Variants in SUPT3H observed in about 807,000 individuals in gnomAD.
The protein encoded by SUPT3H is transcription initiation protein SPT3 homolog.
Under a neutral mutation model 44.3 loss-of-function variants are expected in SUPT3H, and 44 were observed. The ratio of observed to expected loss-of-function variants is 0.99; its 90% confidence interval spans 0.78 to 1.28. The LOEUF (loss-of-function observed/expected upper bound fraction) is 1.28. Among genes scored for constraint, SUPT3H ranks in the 50% most tolerant of loss-of-function variants. The pLI, the probability that SUPT3H is intolerant of heterozygous loss-of-function variation, is 0.00. For missense variants in SUPT3H, 380 were observed against 387.1 expected, an observed-to-expected ratio of 0.98 and a Z score of 0.15; for synonymous variants, 124 against 125.6, an observed-to-expected ratio of 0.99 and a Z score of 0.09.
intron 2 of SUPT3H, among the ~76,000 whole-genome samples, chr6:45,245,810 A>T (rs1052253233): frequency 1.3e-5 from 2 of 152,166 alleles, no homozygotes; most frequent in African/African-American, 4.8e-5. Context: ...CAGAAATACA[A>T]TAGCTGGATC....
intron 2 of SUPT3H, among the ~76,000 whole-genome samples, chr6:45,160,556 A>C (rs547509130): frequency 2.0e-5 from 3 of 152,246 alleles, no homozygotes; most frequent in African/African-American, 7.2e-5. Flanking sequence ...AACATTTTTT[A>C]TATATAAGTG....
In SUPT3H at chr6:44,916,138, C is replaced by T. The variant is rs143288579; in HGVS notation, c.912+16515G>A. On this transcript the variant is annotated intron_variant, in intron 10 of 10. Transcript: ENST00000371459. ...ATTTTAAGAGATGACAATGACTCCACACTAGTAGAAGTTTAGGAATCAGTA... is the reference window on the plus strand; with the variant it reads ...ATTTTAAGAGATGACAATGACTCCATACTAGTAGAAGTTTAGGAATCAGTA... Among the ~76,000 whole-genome samples the T allele has an allele frequency of 2.3e-3, 347 of 152,310 alleles. 1 individual carries two copies. Among genetic ancestry groups the T allele is most frequent in the African/African-American group, 7.6e-3 (317 of 41,554 alleles).
intron 5 of SUPT3H, among the ~76,000 whole-genome samples, chr6:45,009,015 A>C (rs1380485280): frequency 2.6e-5 from 4 of 152,132 alleles, no homozygotes; most frequent in African/African-American, 4.8e-5. Flanking sequence ...TGCTGGGATT[A>C]TTTATAGGCA....
At chr6:44,822,152 A>T (rs982553790), downstream of SUPT3H, among the ~76,000 whole-genome samples, 1 of 152,162 alleles carries the variant, frequency 6.6e-6, no homozygotes, top group Non-Finnish European at 1.5e-5. Context: ...CCCTTTCTGT[A>T]ATTTCACGGT....
intron 2 of SUPT3H, among the ~76,000 whole-genome samples, chr6:45,156,904 GA>G (rs951744421): frequency 6.6e-6 from 1 of 151,260 alleles, no homozygotes; most frequent in Non-Finnish European, 1.5e-5. Context: ...TGGTTTTAGT[GA>G]AAAAAAAGTG....
intron 2 of SUPT3H, among the ~76,000 whole-genome samples, chr6:45,244,767 T>C (rs1480428246): frequency 6.6e-6 from 1 of 152,186 alleles, no homozygotes; most frequent in Non-Finnish European, 1.5e-5. Context: ...CCTACTTCCC[T>C]ATCTTCTAAA....
chr6:45,032,840 A>C (rs1787150281), intron 3 of SUPT3H, among the ~76,000 whole-genome samples: 1 of 152,182 alleles, frequency 6.6e-6, no homozygotes, highest in African/African-American at 2.4e-5. Flanking sequence ...CTTTATAAGA[A>C]GGCGGCTTCC....
At chr6:44,998,746 A>AT (rs1781604223) in intron 6 of SUPT3H, among the ~76,000 whole-genome samples, 2 of 151,848 alleles carry the variant, frequency 1.3e-5, no homozygotes, top group African/African-American at 4.8e-5. Flanking sequence ...AAATTTAATT[A>AT]TATGTCTTCT....
At position 44,889,591 on chromosome 6, in the gene SUPT3H, C is replaced by T. The variant is rs1002221317; in HGVS notation, c.912+43062G>A. Among the ~76,000 whole-genome samples the T allele has an allele frequency of 5.3e-5, 8 of 152,162 alleles. 1 individual carries two copies. Among genetic ancestry groups the T allele is most frequent in the East Asian group, 1.9e-4 (1 of 5,202 alleles). On this transcript the variant is annotated intron_variant, in intron 10 of 10. Coordinates refer to ENST00000371459, the MANE Select transcript of SUPT3H (RefSeq NM_003599.4). ...AAGCTGAAACTGGATGCCTTCCTTA[C>T]GCCTTATACAAAAATTAATTCAAGA...
chr6:45,054,812 C>T (rs1372820820), intron 3 of SUPT3H, among the ~76,000 whole-genome samples: 2 of 152,018 alleles, frequency 1.3e-5, no homozygotes, highest in Non-Finnish European at 2.9e-5. Context: ...GAAGTGAAAC[C>T]ACAGGCAGAC....
chr6:44,889,010 T>C (rs1253358051), intron 10 of SUPT3H, among the ~76,000 whole-genome samples: 1 of 145,246 alleles, frequency 6.9e-6, no homozygotes, highest in Non-Finnish European at 1.5e-5. Flanking sequence ...TGAACTCCCA[T>C]GCACAATTGC....
At position 45,242,698 on chromosome 6, in the gene SUPT3H, T is replaced by G. The variant is rs146354324; in HGVS notation, c.101+122503A>C. Among the ~76,000 whole-genome samples the G allele has an allele frequency of 1.0e-2, 1,515 of 152,236 alleles. 30 individuals carry two copies. Among genetic ancestry groups the G allele is most frequent in the African/African-American group, 0.035 (1,436 of 41,522 alleles). ...ATAACTAATCTATAATTAAATTGCCTGGAAAAACAAAATTCACCATTCTTG... is the reference window on the plus strand; with the variant it reads ...ATAACTAATCTATAATTAAATTGCCGGGAAAAACAAAATTCACCATTCTTG... On this transcript the variant is annotated intron_variant, in intron 2 of 10. Transcript: ENST00000371459.
chr6:45,308,797 TA>T (rs538056004), intron 2 of SUPT3H, among the ~76,000 whole-genome samples: 161 of 145,608 alleles, frequency 1.1e-3, no homozygotes, highest in African/African-American at 1.2e-3. Context: ...AATTCTGAAT[TA>T]AAAAAAAAAA....
At chr6:45,218,060 T>A (rs1765384653) in intron 2 of SUPT3H, among the ~76,000 whole-genome samples, 1 of 152,142 alleles carries the variant, frequency 6.6e-6, no homozygotes, top group Non-Finnish European at 1.5e-5. Context: ...AACATATTCA[T>A]AATTAAATGA....
intron 2 of SUPT3H, among the ~76,000 whole-genome samples, chr6:45,106,957 T>A (rs922462433): frequency 6.6e-6 from 1 of 152,210 alleles, no homozygotes; most frequent in African/African-American, 2.4e-5. Flanking sequence ...AAGAGCCACA[T>A]AGAAAGGTAT....
intron 10 of SUPT3H, among the ~76,000 whole-genome samples, chr6:44,870,267 A>T (rs907079690): frequency 1.3e-5 from 2 of 152,262 alleles, no homozygotes; most frequent in Non-Finnish European, 2.9e-5. Flanking sequence ...TAAAATGATG[A>T]TCAAAAAGAG....
chr6:44,968,188 C>G (rs1777041941), intron 6 of SUPT3H, among the ~76,000 whole-genome samples: 1 of 152,114 alleles, frequency 6.6e-6, no homozygotes, highest in South Asian at 2.1e-4. Context: ...ATGCCTTTTA[C>G]TAAAATGGTA....
At chr6:45,233,279 T>C (rs750603045) in intron 2 of SUPT3H, among the ~76,000 whole-genome samples, 1 of 152,036 alleles carries the variant, frequency 6.6e-6, no homozygotes, top group African/African-American at 2.4e-5. Context: ...CTGGGAGACA[T>C]CAGTGGTGGC....
At chr6:45,234,438 G>C (rs1768681363) in intron 2 of SUPT3H, among the ~76,000 whole-genome samples, 1 of 149,584 alleles carries the variant, frequency 6.7e-6, no homozygotes, top group Admixed American at 6.8e-5. Flanking sequence ...GGCTGAGGCA[G>C]CAAAATATCT....
Sources: allele counts gnomAD v4.1 joint callset (sites outside exome capture counted in the v4.1 genomes callset), GRCh38; gene constraint gnomAD v4.1.1; transcripts MANE v1.5; gene names NCBI Gene and HGNC (gene_info 2026-07-23, HGNC 2026-07-21).